Variants in RHAG observed in about 807,000 individuals in gnomAD.
RHAG encodes the protein Rh associated glycoprotein.
In RHAG, 25 loss-of-function variants were observed where a neutral mutation model predicts 42.4. That is an observed-to-expected ratio of 0.59 (90% CI 0.43 to 0.82). RHAG has a LOEUF of 0.82. RHAG is among the 40% of genes least tolerant of loss of function. The probability of loss-of-function intolerance (pLI) is 0.00; values close to 1 mark genes in which losing one functional copy is unlikely to be tolerated. For synonymous variants in RHAG, 182 were observed against 177.7 expected (o/e 1.02, Z -0.19); for missense variants, 483 against 504.6 (o/e 0.96, Z 0.41).
intron 7 of RHAG, among the ~76,000 whole-genome samples, chr6:49,609,296 T>C (rs566867576): frequency 9.9e-5 from 15 of 152,218 alleles, no homozygotes; most frequent in Admixed American, 7.9e-4. Flanking sequence ...AAACCTGCAT[T>C]CCCAAGGACC....
chr6:49,629,970 C>G (rs555356197), intron 1 of RHAG, among the ~76,000 whole-genome samples: 1 of 152,322 alleles, frequency 6.6e-6, no homozygotes, highest in African/African-American at 2.4e-5. Flanking sequence ...GGGCTCAGGC[C>G]TTCGCCAGCC....
In RHAG at chr6:49,619,295, A is replaced by G. The variant is rs1340479905; in HGVS notation, c.225T>C (p.Tyr75=). The G allele has an allele frequency of 3.7e-6, 6 of 1,614,076 alleles. No homozygotes were observed. In the Admixed American group the frequency reaches 8.3e-5, roughly 22 times the overall value. The change falls in exon 2 of 10, where the codon TAT becomes TAC. Residue 75 remains tyrosine (Y), a synonymous_variant. Coordinates refer to ENST00000371175, the MANE Select transcript of RHAG (RefSeq NM_000324.3). ...GGTTGATACCCACACTGCTGAAGCC[A>G]TATTTCTTCAGGAAGGTCATGAGGA... ...FGFLMTFLKK[Y]GFSSVGINLL... is the part of the protein sequence containing the mutation.
At position 49,636,670 on chromosome 6, in the gene RHAG, A is replaced by G. The variant is rs1404242605; in HGVS notation, c.143T>C (p.Phe48Ser). The change falls in exon 1 of 10, where the codon TTT becomes TCT. Residue 48 changes from phenylalanine to serine, a missense_variant. Transcript: ENST00000371175. The part of the protein sequence containing the change: ...ITKPTDMGIF[F>S]ELYPLFQDVH... ...TGCCTACTCACGAGGATATAACTCAAAGAATATGCCCATGTCTGTTGGCTT... is the reference window on the plus strand; with the variant it reads ...TGCCTACTCACGAGGATATAACTCAGAGAATATGCCCATGTCTGTTGGCTT... The G allele has an allele frequency of 2.0e-5, 32 of 1,613,792 alleles. No individual in the cohort carries two copies. Among genetic ancestry groups the G allele is most frequent in the Non-Finnish European group, 2.5e-5 (29 of 1,179,802 alleles).
rs1046858191 is a variant in RHAG at position 49,605,639 on chromosome 6, C to T, written c.*174G>A. 11 of 716,152 alleles carry T rather than the reference C, an allele frequency of 1.5e-5. No individual in the cohort carries two copies. In the Admixed American group the frequency reaches 2.0e-4, roughly 13 times the overall value. The allele number at this position is 716,152 out of a possible 1,614,324, so 44.4% of individuals were successfully genotyped here. On this transcript the variant is annotated 3_prime_UTR_variant, in exon 10 of 10. Coordinates refer to ENST00000371175, the MANE Select transcript of RHAG (RefSeq NM_000324.3). The stretch of plus-strand genomic sequence containing the variant: ...GACATAAGGACATTTTTACACTGGC[C>T]ATTTGGGACTTAGGATCTATTCACT...
chr6:49,616,741 A>G (rs1199580717), intron 3 of RHAG, among the ~76,000 whole-genome samples: 1 of 151,866 alleles, frequency 6.6e-6, no homozygotes, highest in Non-Finnish European at 1.5e-5. Context: ...TACTAGACAT[A>G]GACAGACCCA....
At chr6:49,622,875 G>C (rs1371055609) in intron 1 of RHAG, among the ~76,000 whole-genome samples, 4 of 136,146 alleles carry the variant, frequency 2.9e-5, no homozygotes, top group African/African-American at 1.1e-4. Context: ...TCGCTCTGTC[G>C]CCCAGGCCGG....
At chr6:49,627,212 CA>C (rs2127356877) in intron 1 of RHAG, among the ~76,000 whole-genome samples, 1 of 152,340 alleles carries the variant, frequency 6.6e-6, no homozygotes, top group Non-Finnish European at 1.5e-5. Context: ...ACTGCATCAT[CA>C]GGCCGAAAAT....
chr6:49,615,665 T>C lies in RHAG; in HGVS notation c.599A>G (p.Asn200Ser). Reference protein sequence around the residue: ...YRSGLRKGHENEESAYYSDLF... With the variant: ...YRSGLRKGHESEESAYYSDLF... ...GTCTGAGTAGTATGCGGACTCTTCA[T>C]TTTCATGCCCCTTTCTCAGTCCAGA... Residue 200 changes from asparagine to serine, a missense_variant, in exon 4 of 10, where the codon AAT (asparagine) becomes AGT (serine). Coordinates refer to ENST00000371175, the MANE Select transcript of RHAG (RefSeq NM_000324.3). The C allele has an allele frequency of 1.9e-6, 3 of 1,614,130 alleles. No individual in the cohort carries two copies. The highest frequency in any genetic ancestry group is 2.5e-6 in the Non-Finnish European group (3 of 1,180,022).
At chr6:49,606,975 A>G in intron 8 of RHAG, 54 bp from the exon 9 acceptor site, 1 of 1,323,318 alleles carries the variant, frequency 7.6e-7, no homozygotes, top group South Asian at 1.2e-5. Context: ...AGGAAAATCT[A>G]CTTGCATAGT....
intron 6 of RHAG, among the ~76,000 whole-genome samples, chr6:49,611,619 T>C (rs997222044): frequency 6.6e-6 from 1 of 152,194 alleles, no homozygotes; most frequent in Non-Finnish European, 1.5e-5. Flanking sequence ...CCACTTAAAG[T>C]TAAAGGATTT....
intron 1 of RHAG, among the ~76,000 whole-genome samples, chr6:49,634,818 A>G (rs903204951): frequency 1.3e-5 from 2 of 152,050 alleles, no homozygotes; most frequent in Admixed American, 6.6e-5. Context: ...ATTGAGATAT[A>G]ATTGACGTAT....
chr6:49,619,138 C>T, intron 2 of RHAG, 41 bp downstream of exon 2: 1 of 1,603,324 alleles, frequency 6.2e-7, no homozygotes, highest in Non-Finnish European at 8.5e-7. Flanking sequence ...TATATGAATT[C>T]TGGAGGATGC....
chr6:49,626,744 C>T (rs576842242), intron 1 of RHAG, among the ~76,000 whole-genome samples: 1 of 152,352 alleles, frequency 6.6e-6, no homozygotes, highest in South Asian at 2.1e-4. Context: ...ACAGCTCTTC[C>T]CCTGCAGCAA....
chr6:49,619,042 A>G (rs1424762119), intron 2 of RHAG, 137 bp downstream of exon 2: 1 of 933,026 alleles, frequency 1.1e-6, no homozygotes, highest in South Asian at 1.4e-5. Context: ...CACTGATCCC[A>G]TTCATAAACA....
intron 4 of RHAG, chr6:49,615,167 G>A: frequency 6.4e-6 from 2 of 311,450 alleles, no homozygotes; most frequent in South Asian, 6.3e-5. Flanking sequence ...GGTCAGGCTG[G>A]TCTCGAACTC....
chr6:49,608,677 T>C (rs1762516338), intron 7 of RHAG, among the ~76,000 whole-genome samples: 1 of 152,188 alleles, frequency 6.6e-6, no homozygotes, highest in African/African-American at 2.4e-5. Flanking sequence ...GTGTCCGGTC[T>C]ATATACTTCT....
At chr6:49,630,064 C>G (rs1257466630) in intron 1 of RHAG, among the ~76,000 whole-genome samples, 2 of 152,194 alleles carry the variant, frequency 1.3e-5, no homozygotes, top group African/African-American at 2.4e-5. Flanking sequence ...GAGGAGGCGC[C>G]GAGAGCGAGC....
intron 3 of RHAG, among the ~76,000 whole-genome samples, chr6:49,616,632 G>A (rs923309403): frequency 6.6e-6 from 1 of 151,926 alleles, no homozygotes; most frequent in African/African-American, 2.4e-5. Context: ...ATACTCAAAG[G>A]GTCAAATTGT....
intron 4 of RHAG, 39 bp from the exon 5 acceptor site, chr6:49,614,892 T>C (rs569031161): frequency 1.9e-6 from 3 of 1,563,702 alleles, no homozygotes; most frequent in Non-Finnish European, 2.6e-6. Flanking sequence ...GTTCTGAATA[T>C]GGAAGACAGT....
Sources: gnomAD v4.1 joint callset for allele counts (sites outside exome capture counted in the v4.1 genomes callset) on GRCh38, gnomAD v4.1.1 for gene constraint, MANE v1.5 for transcripts, NCBI Gene and HGNC (gene_info 2026-07-23, HGNC 2026-07-21) for gene names.